The following CFAP97D2 variants were observed in gnomAD, a reference collection of about 807,000 sequenced individuals.
CFAP97D2 encodes uncharacterized protein CFAP97D2.
Position 114,179,445 on chromosome 13 carries a change from T to C in CFAP97D2, c.90+25T>C. 2 of 398,612 alleles carry C rather than the reference T, an allele frequency of 5.0e-6. No individual in the cohort carries two copies. The highest frequency in any genetic ancestry group is 8.8e-6 in the Non-Finnish European group (2 of 226,044). 24.7% of individuals were successfully genotyped at this position (398,612 alleles called of 1,614,324 possible). ...GGTAGGAAAGTCCCCAATCCAGCCC[T>C]GACAGCTCAGCGGGCGGGCACCAAG... On this transcript the variant is annotated intron_variant, in intron 1 of 4. Transcript: ENST00000646158. This position sits in a 1 kb window ranked among gnomAD's most constrained non-coding sequence, Gnocchi z 4.8.
chr13:114,218,316 C>A (rs567123339), intron 4 of CFAP97D2, among the ~76,000 whole-genome samples: 2 of 152,304 alleles, frequency 1.3e-5, no homozygotes, highest in East Asian at 1.9e-4. Flanking sequence ...ATCCAACTTA[C>A]AAGGGATGTG....
At position 114,203,439 on chromosome 13, in the gene CFAP97D2, G is replaced by T. The variant is rs188308755; in HGVS notation, c.290+2996G>T. Among the ~76,000 whole-genome samples the T allele has an allele frequency of 2.4e-4, 36 of 152,294 alleles. No homozygotes were observed. The highest frequency in any genetic ancestry group is 6.2e-4 in the South Asian group (3 of 4,820). On this transcript the variant is annotated intron_variant, in intron 3 of 4. Transcript: ENST00000646158. The surrounding 1 kb of genome is among the most constrained non-coding windows in gnomAD (Gnocchi z 4.3). Reference sequence around the variant, plus strand: ...CTAAATAAATGGAAAAATATCCCACGTGTATGGATTCAGAAGTCTTGCTAT... The same window carrying T: ...CTAAATAAATGGAAAAATATCCCACTTGTATGGATTCAGAAGTCTTGCTAT...
intron 3 of CFAP97D2, among the ~76,000 whole-genome samples, chr13:114,205,563 T>C (rs527396749): frequency 2.4e-4 from 36 of 152,280 alleles, no homozygotes; most frequent in African/African-American, 7.5e-4. Flanking sequence ...TCAGTGAGGG[T>C]TGAACTTCTC....
intron 1 of CFAP97D2, among the ~76,000 whole-genome samples, chr13:114,192,453 T>C (rs2080873276): frequency 6.6e-6 from 1 of 152,188 alleles, no homozygotes; most frequent in Non-Finnish European, 1.5e-5. Context: ...AAAAGGACTG[T>C]GTTACCAAAA....
intron 3 of CFAP97D2, among the ~76,000 whole-genome samples, chr13:114,205,955 C>T (rs2138776134): frequency 6.6e-6 from 1 of 152,348 alleles, no homozygotes; most frequent in Admixed American, 6.5e-5. Context: ...GGCCCTTCGA[C>T]TAGAAGCTAT....
At chr13:114,195,770 T>G (rs1468383401) in intron 1 of CFAP97D2, among the ~76,000 whole-genome samples, 1 of 152,130 alleles carries the variant, frequency 6.6e-6, no homozygotes, top group East Asian at 1.9e-4. Context: ...CATAACTCAC[T>G]GTATAAAAGG....
chr13:114,210,121 AAT>A (rs1015809888), intron 3 of CFAP97D2, among the ~76,000 whole-genome samples: 5 of 152,184 alleles, frequency 3.3e-5, no homozygotes, highest in African/African-American at 1.2e-4. Flanking sequence ...CCAAATATAT[AAT>A]AGAGTTATAT....
chr13:114,221,859 T>A (rs1463211059), intron 4 of CFAP97D2, among the ~76,000 whole-genome samples: 3 of 152,090 alleles, frequency 2.0e-5, no homozygotes, highest in African/African-American at 7.2e-5. Context: ...CACTCCTAGG[T>A]CTATATTCGA....
rs186333348 is a variant in CFAP97D2 at position 114,207,494 on chromosome 13, G to A, written c.291-4418G>A. ...GGCATTAGATTTTCATAAGGAACAC[G>A]CAGCTTAGATCTCTCGAACGTGCAG... On this transcript the variant is annotated intron_variant, in intron 3 of 4. Coordinates refer to ENST00000646158, the Ensembl canonical transcript of CFAP97D2. The surrounding 1 kb of genome is among the most constrained non-coding windows in gnomAD (Gnocchi z 4.9). 5.3e-4 allele frequency among the ~76,000 whole-genome samples: 80 copies of A among 152,128 alleles called. No individual in the cohort carries two copies. Among genetic ancestry groups the A allele is most frequent in the African/African-American group, 1.1e-3 (45 of 41,496 alleles).
At chr13:114,217,473 T>C (rs2080999128) in intron 4 of CFAP97D2, among the ~76,000 whole-genome samples, 1 of 152,222 alleles carries the variant, frequency 6.6e-6, no homozygotes, top group South Asian at 2.1e-4. Flanking sequence ...CCATTCTTTC[T>C]GAAACTATTC....
chr13:114,180,122 C>T (rs934020934), intron 1 of CFAP97D2, among the ~76,000 whole-genome samples: 2 of 152,376 alleles, frequency 1.3e-5, no homozygotes, highest in African/African-American at 2.4e-5. Context: ...TCTGCCCACA[C>T]CTCAGTGGAG....
chr13:114,200,912 A>G (rs914349128), intron 3 of CFAP97D2, among the ~76,000 whole-genome samples: 6 of 152,208 alleles, frequency 3.9e-5, no homozygotes, highest in African/African-American at 1.4e-4. Context: ...CAAAAGCAGC[A>G]AAAGGTTTTG....
At chr13:114,221,355 A>G (rs913924857) in intron 4 of CFAP97D2, among the ~76,000 whole-genome samples, 2 of 152,274 alleles carry the variant, frequency 1.3e-5, no homozygotes, top group African/African-American at 4.8e-5. Context: ...GCAACAAGCC[A>G]ACATGGCTCA....
intron 4 of CFAP97D2, among the ~76,000 whole-genome samples, chr13:114,217,296 C>G (rs2080998355): frequency 6.6e-6 from 1 of 152,136 alleles, no homozygotes; most frequent in Non-Finnish European, 1.5e-5. Flanking sequence ...GGATAAATTC[C>G]TGGACACATA....
Position 114,185,045 on chromosome 13 carries a change from C to A in CFAP97D2, c.90+5625C>A, listed in dbSNP as rs958173792. Among the ~76,000 whole-genome samples, 1 of 152,156 alleles carries A rather than the reference C, an allele frequency of 6.6e-6. No individual in the cohort carries two copies. Among genetic ancestry groups the A allele is most frequent in the African/African-American group, 2.4e-5 (1 of 41,432 alleles). On this transcript the variant is annotated intron_variant, in intron 1 of 4. Transcript: ENST00000646158. This position sits in a 1 kb window ranked among gnomAD's most constrained non-coding sequence, Gnocchi z 5.2. ...GGTGCATGGGTGGTGGTGGTGGAAG[C>A]AGCTGCAGGAGTGGCAGTAACAGCG...
In CFAP97D2 at chr13:114,213,701, TC is replaced by T. The variant is rs2080980565; in HGVS notation, c.480+1602del. 4.9e-5 allele frequency among the ~76,000 whole-genome samples: 6 copies of T among 121,474 alleles called. No individual in the cohort carries two copies. In the South Asian group the frequency reaches 8.3e-4, roughly 17 times the overall value. 79.7% of individuals were successfully genotyped at this position (121,474 alleles called of 152,430 possible). A position where few individuals can be genotyped will look rare whatever the true frequency, so the allele number is the denominator to read the frequency against. The stretch of plus-strand genomic sequence containing the variant: ...CCATGAACCCCACCCCTGCACAAGC[TC>T]CAGGACCATGAACCCTACCCCTATG... On this transcript the variant is annotated intron_variant, in intron 4 of 4. Coordinates refer to ENST00000646158, the Ensembl canonical transcript of CFAP97D2.
At position 114,196,076 on chromosome 13, in the gene CFAP97D2, C is replaced by CAAAA. The variant is rs57315285; in HGVS notation, c.91-303_91-300dup. 2.3e-4 allele frequency among the ~76,000 whole-genome samples: 23 copies of CAAAA among 100,938 alleles called. 1 individual carries two copies. The highest frequency in any genetic ancestry group is 1.1e-3 in the East Asian group (4 of 3,720). The allele number at this position is 100,938 out of a possible 152,430, so 66.2% of individuals were successfully genotyped here. ...CCAGCCTGGGCAACAGAGCGAGACTCAAAAAAAAAAAAAAAAAAAAGCCTC... is the reference window on the plus strand; with the variant it reads ...CCAGCCTGGGCAACAGAGCGAGACTCAAAAAAAAAAAAAAAAAAAAAAAAGCCTC... On this transcript the variant is annotated intron_variant, in intron 1 of 4. Transcript: ENST00000646158.
At chr13:114,219,638 T>A (rs1336581919) in intron 4 of CFAP97D2, among the ~76,000 whole-genome samples, 1 of 152,134 alleles carries the variant, frequency 6.6e-6, no homozygotes. Context: ...GGCAATATGG[T>A]TCAAGTGTAG....
intron 1 of CFAP97D2, among the ~76,000 whole-genome samples, chr13:114,190,453 T>C (rs2080865563): frequency 6.6e-6 from 1 of 152,056 alleles, no homozygotes; most frequent in Non-Finnish European, 1.5e-5. Flanking sequence ...ATAGCAAGGA[T>C]GAAGGATATA....
Sources: gnomAD v4.1 joint callset for allele counts (sites outside exome capture counted in the v4.1 genomes callset) on GRCh38, gnomAD v4.1.1 for gene constraint, Gnocchi (gnomAD v3.1) non-coding constraint, MANE v1.5 for transcripts, NCBI Gene and HGNC (gene_info 2026-07-23, HGNC 2026-07-21) for gene names.